Variants in HECTD4 observed in about 807,000 individuals in gnomAD.
HECTD4 encodes the protein probable E3 ubiquitin-protein ligase HECTD4.
In HECTD4, 114 loss-of-function variants were observed where a neutral mutation model predicts 471.5. That is an observed-to-expected ratio of 0.24 (90% CI 0.21 to 0.28). The LOEUF is 0.28. Among genes scored for constraint, HECTD4 ranks in the 10% least tolerant of loss-of-function variants. HECTD4 has a pLI of 1.00. For missense variants in HECTD4, 3,866 were observed against 5,651.5 expected, an observed-to-expected ratio of 0.68 and a Z score of 10.13; for synonymous variants, 2,012 against 2,256.0, an observed-to-expected ratio of 0.89 and a Z score of 3.07.
At chr12:112,362,079 A>G (rs2036460903) in intron 1 of HECTD4, among the ~76,000 whole-genome samples, 1 of 152,202 alleles carries the variant, frequency 6.6e-6, no homozygotes, top group African/African-American at 2.4e-5. Context: ...AGGAATTGTC[A>G]AACAGACTTG....
At chr12:112,218,413 C>A (rs1031468458) in intron 45 of HECTD4, among the ~76,000 whole-genome samples, 4 of 152,148 alleles carry the variant, frequency 2.6e-5, no homozygotes, top group Non-Finnish European at 5.9e-5. Flanking sequence ...CTTAACTCTC[C>A]TTTGCCCCCA....
At chr12:112,172,558 A>C (rs548980260) in intron 67 of HECTD4, 113 bp downstream of exon 67, 3 of 1,038,372 alleles carry the variant, frequency 2.9e-6, no homozygotes, top group African/African-American at 3.1e-5. Context: ...GCAGGTGTTC[A>C]TAAGTGTTCG....
chr12:112,160,970 T>A lies in HECTD4; in HGVS notation c.*1417A>T, dbSNP rs1566054950. On this transcript the variant is annotated 3_prime_UTR_variant, in exon 76 of 76. Coordinates refer to ENST00000682272, the MANE Select transcript of HECTD4 (RefSeq NM_001388303.1). Reference sequence around the variant, plus strand: ...CCTTTCTATAATGGTCCTTGATGCATTTCCTAAGAGTTACAGGGAGGAGAT... The same window carrying A: ...CCTTTCTATAATGGTCCTTGATGCAATTCCTAAGAGTTACAGGGAGGAGAT... 6.6e-6 allele frequency: 1 copy of A among 152,172 alleles called. No homozygotes were observed. Among genetic ancestry groups the A allele is most frequent in the Non-Finnish European group, 1.5e-5 (1 of 68,026 alleles). The allele number at this position is 152,172 out of a possible 1,614,324, so 9.4% of individuals were successfully genotyped here. A position where few individuals can be genotyped will look rare whatever the true frequency, so the allele number is the denominator to read the frequency against.
rs369044855 is a variant in HECTD4, at chr12:112,307,908, T to C, written c.1164+845A>G. Among the ~76,000 whole-genome samples, 41 of 152,376 alleles carry C rather than the reference T, an allele frequency of 2.7e-4. 1 individual carries two copies. The South Asian group carries it at 7.2e-3, about 27-fold the overall frequency. On this transcript the variant is annotated intron_variant, in intron 6 of 75. Transcript: ENST00000682272. Reference sequence around the variant, plus strand: ...TCTGGTGCCGCTACTATTGGCTGTATGGCCTTAGGCAAGTTACTTAACCTC... The same window carrying C: ...TCTGGTGCCGCTACTATTGGCTGTACGGCCTTAGGCAAGTTACTTAACCTC...
intron 1 of HECTD4, among the ~76,000 whole-genome samples, chr12:112,369,005 C>G (rs576301384): frequency 6.6e-6 from 1 of 152,298 alleles, no homozygotes; most frequent in Admixed American, 6.5e-5. Flanking sequence ...CTTCTCTTCC[C>G]GGTATGTGCA....
At chr12:112,209,553 C>T (rs1041443434) in intron 50 of HECTD4, among the ~76,000 whole-genome samples, 1 of 152,100 alleles carries the variant, frequency 6.6e-6, no homozygotes, top group Non-Finnish European at 1.5e-5. Flanking sequence ...CTCGAACTCC[C>T]AACCTTAGGT....
chr12:112,295,510 T>C (rs1218266588), intron 7 of HECTD4, among the ~76,000 whole-genome samples: 2 of 151,278 alleles, frequency 1.3e-5, no homozygotes, highest in Non-Finnish European at 3.0e-5. Context: ...AATTTTTTTT[T>C]TTTTTTTTTA....
chr12:112,371,115 G>A (rs576374704), intron 1 of HECTD4, among the ~76,000 whole-genome samples: 8 of 152,280 alleles, frequency 5.3e-5, no homozygotes, highest in South Asian at 4.1e-4. Context: ...CCAGCAGCTC[G>A]AGCCAACAGG....
rs2031801682 is a variant in HECTD4 at position 112,184,841 on chromosome 12, C to T, written c.10125G>A (p.Leu3375=). 3 of 1,607,530 alleles carry T rather than the reference C, an allele frequency of 1.9e-6. No homozygotes were observed. Among genetic ancestry groups the T allele is most frequent in the African/African-American group, 1.3e-5 (1 of 74,846 alleles). The change falls in exon 61 of 76, where the codon CTG becomes CTA. Residue 3375 remains leucine, a synonymous_variant. Transcript: ENST00000682272. The surrounding 1 kb of genome is among the most constrained non-coding windows in gnomAD (Gnocchi z 9.1). ...RHLTRKDPQG[L]GVTSDAIADA... is the part of the protein sequence containing the mutation. ...CGGCGATGGCGTCACTCGTCACGCC[C>T]AGCCCCTGTGGGTCCTTCCTGGTGA...
At chr12:112,377,733 G>A (rs921906434) in intron 1 of HECTD4, among the ~76,000 whole-genome samples, 1 of 152,158 alleles carries the variant, frequency 6.6e-6, no homozygotes, top group African/African-American at 2.4e-5. Context: ...AGCTGGGCAT[G>A]GTGGCACATG....
Position 112,163,397 on chromosome 12 carries a change from G to A in HECTD4, c.12898-133C>T. The A allele has an allele frequency of 1.0e-6, 1 of 1,000,650 alleles. No individual in the cohort carries two copies. The highest frequency in any genetic ancestry group is 1.5e-6 in the Non-Finnish European group (1 of 685,196). 62.0% of individuals were successfully genotyped at this position (1,000,650 alleles called of 1,614,324 possible). ...GTGTGGGCTGTGAGCACAGGGAGAT[G>A]ACAATGATGACAATGATACAGGTCT... On this transcript the variant is annotated intron_variant, in intron 74 of 75. Coordinates refer to ENST00000682272, the MANE Select transcript of HECTD4 (RefSeq NM_001388303.1). The surrounding 1 kb of genome is among the most constrained non-coding windows in gnomAD (Gnocchi z 8.2).
chr12:112,226,823 G>T, intron 43 of HECTD4, 65 bp from the exon 44 acceptor site: 1 of 1,187,156 alleles, frequency 8.4e-7, no homozygotes, highest in Non-Finnish European at 1.2e-6. Context: ...AAAGTCAACT[G>T]TGAAAAACAT....
In HECTD4 at chr12:112,363,328, C is replaced by G. The variant is rs554639838; in HGVS notation, c.177+18624G>C. On this transcript the variant is annotated intron_variant, in intron 1 of 75. Transcript: ENST00000682272. The stretch of plus-strand genomic sequence containing the variant: ...CTTGTTGTGTTGCCCAGGCTGGTCT[C>G]CTGAGCTCAAGCAATCCTCCCATCT... Among the ~76,000 whole-genome samples, 4 of 151,960 alleles carry G rather than the reference C, an allele frequency of 2.6e-5. No individual in the cohort carries two copies. The East Asian group carries it at 7.8e-4, about 30-fold the overall frequency.
At chr12:112,274,981 CT>C in intron 9 of HECTD4, 21 bp from the exon 10 acceptor site, 1 of 1,341,808 alleles carries the variant, frequency 7.5e-7, no homozygotes, top group Non-Finnish European at 1.0e-6. Flanking sequence ...AAACATTAAG[CT>C]GTTTAATGAG....
At position 112,164,199 on chromosome 12, in the gene HECTD4, C is replaced by T; in HGVS notation, c.12611G>A (p.Ser4204Asn). 1 of 1,613,788 alleles carries T rather than the reference C, an allele frequency of 6.2e-7. No homozygotes were observed. Among genetic ancestry groups the T allele is most frequent in the African/African-American group, 1.3e-5 (1 of 75,060 alleles). ...SQHLATESPD[S>N]PNKPCCRFTY... ...GAACCTGCAGCAGGGCTTGTTGGGG[C>T]TGTCAGGGCTCTCCGTGGCCAGGTG... The change falls in exon 73 of 76, where the codon AGC (serine) becomes AAC (asparagine). Residue 4204 changes from serine (S) to asparagine (N), a missense_variant. By Grantham distance (46) the Ser-to-Asn change is conservative. Around this residue, in one of 16 missense-constraint regions of HECTD4, gnomAD observed 715 missense variants for 1,087.6 expected, o/e 0.66. Transcript: ENST00000682272.
In HECTD4 at chr12:112,163,314, AGT is replaced by A; in HGVS notation, c.12898-52_12898-51del. 6.5e-7 allele frequency: 1 copy of A among 1,527,566 alleles called. No homozygotes were observed. The allele number at this position is 1,527,566 out of a possible 1,614,324, so 94.6% of individuals were successfully genotyped here. On this transcript the variant is annotated intron_variant, in intron 74 of 75. Transcript: ENST00000682272. The surrounding 1 kb of genome is among the most constrained non-coding windows in gnomAD (Gnocchi z 8.2). ...AGGAGCCCTGGAGCCCCACCTACCC[AGT>A]GCCTCCCCAGCCCTGGGGTCTGCAG...
Position 112,179,505 on chromosome 12 carries a change from A to G in HECTD4, c.10988-108T>C, listed in dbSNP as rs1209278559. 3 of 989,330 alleles carry G rather than the reference A, an allele frequency of 3.0e-6. No individual in the cohort carries two copies. The highest frequency in any genetic ancestry group is 5.2e-5 in the East Asian group (2 of 38,316). 61.3% of individuals were successfully genotyped at this position (989,330 alleles called of 1,614,324 possible). Reference sequence around the variant, plus strand: ...TGTTTGAAAGGGGCAGTGGATGGACATTAGTGGAAGGAAGAGCTGCCCACC... The same window carrying G: ...TGTTTGAAAGGGGCAGTGGATGGACGTTAGTGGAAGGAAGAGCTGCCCACC... On this transcript the variant is annotated intron_variant, in intron 62 of 75. Transcript: ENST00000682272. This position sits in a 1 kb window ranked among gnomAD's most constrained non-coding sequence, Gnocchi z 4.3.
At chr12:112,372,162 G>A (rs1350036425) in intron 1 of HECTD4, among the ~76,000 whole-genome samples, 2 of 150,734 alleles carry the variant, frequency 1.3e-5, no homozygotes, top group Non-Finnish European at 2.9e-5. Flanking sequence ...ATGCAGGCTG[G>A]AGTACAGTGG....
At chr12:112,326,440 C>T (rs2035747039) in intron 1 of HECTD4, among the ~76,000 whole-genome samples, 1 of 152,158 alleles carries the variant, frequency 6.6e-6, no homozygotes, top group Non-Finnish European at 1.5e-5. Flanking sequence ...CTGCAGTGAG[C>T]TATGATTGCA....
Sources: allele counts gnomAD v4.1 joint callset (sites outside exome capture counted in the v4.1 genomes callset), GRCh38; gene constraint gnomAD v4.1.1; regional missense constraint gnomAD v4.1.1; non-coding constraint Gnocchi (gnomAD v3.1); transcripts MANE v1.5; gene names NCBI Gene and HGNC (gene_info 2026-07-23, HGNC 2026-07-21).